XYLT1: variants seen among roughly 807,000 people sequenced by gnomAD.
XYLT1 encodes the protein beta-D-xylosyltransferase 1.
A neutral mutation model predicts 91.3 loss-of-function variants in XYLT1; 36 were observed. That is an observed-to-expected ratio of 0.39 (90% CI 0.30 to 0.52). XYLT1 has a LOEUF of 0.52. Among genes scored for constraint, XYLT1 ranks in the 20% least tolerant of loss-of-function variants. The probability of loss-of-function intolerance (pLI) is 0.68; values close to 1 mark genes in which losing one functional copy is unlikely to be tolerated. For missense variants in XYLT1, 1,242 were observed against 1,284.5 expected (o/e 0.97, Z 0.51); for synonymous variants, 588 against 532.0 (o/e 1.11, Z -1.45).
chr16:17,444,386 A>T (rs2036567996), intron 1 of XYLT1, among the ~76,000 whole-genome samples: 1 of 152,154 alleles, frequency 6.6e-6, no homozygotes, highest in Non-Finnish European at 1.5e-5. Flanking sequence ...TCTGTCACCC[A>T]GGTTGCAATG....
At chr16:17,178,288 C>T (rs113355748) in intron 5 of XYLT1, among the ~76,000 whole-genome samples, 1 of 152,002 alleles carries the variant, frequency 6.6e-6, no homozygotes, top group Admixed American at 6.6e-5. Flanking sequence ...ATAAAGGGAG[C>T]CTGCTGTTTA....
intron 2 of XYLT1, among the ~76,000 whole-genome samples, chr16:17,348,950 C>G (rs1049315211): frequency 6.6e-6 from 1 of 152,216 alleles, no homozygotes; most frequent in Non-Finnish European, 1.5e-5. Flanking sequence ...GCTGAGCCTC[C>G]GGCTCGTAAG....
At chr16:17,231,565 T>C (rs905273301) in intron 3 of XYLT1, among the ~76,000 whole-genome samples, 3 of 152,162 alleles carry the variant, frequency 2.0e-5, no homozygotes, top group Admixed American at 6.5e-5. Context: ...TGGATTGTTA[T>C]GAGATTTTGT....
At chr16:17,430,913 G>A (rs1377344131) in intron 1 of XYLT1, among the ~76,000 whole-genome samples, 6 of 151,982 alleles carry the variant, frequency 3.9e-5, no homozygotes, top group Non-Finnish European at 8.8e-5. Flanking sequence ...TAACTTAGCT[G>A]AAAAAAGAAA....
At chr16:17,316,930 A>C (rs58997310) in intron 2 of XYLT1, among the ~76,000 whole-genome samples, 90,106 of 148,608 alleles carry the variant, frequency 0.61, 27,520 homozygotes, top group Admixed American at 0.71. Flanking sequence ...TCACGCCATT[A>C]TCCTGCCTCA....
At chr16:17,263,587 T>A (rs1456338342) in intron 2 of XYLT1, among the ~76,000 whole-genome samples, 1 of 151,868 alleles carries the variant, frequency 6.6e-6, no homozygotes, top group Non-Finnish European at 1.5e-5. Flanking sequence ...TCCAGAAAAG[T>A]CAGAGAGAGG....
intron 9 of XYLT1, among the ~76,000 whole-genome samples, chr16:17,133,401 TG>T (rs138227736): frequency 6.6e-6 from 1 of 151,780 alleles, no homozygotes; most frequent in East Asian, 1.9e-4. Context: ...AAAGAGAGAA[TG>T]GAAAAAAAGG....
intron 2 of XYLT1, among the ~76,000 whole-genome samples, chr16:17,337,691 CCTT>C (rs1407017316): frequency 6.6e-6 from 1 of 151,964 alleles, no homozygotes; most frequent in East Asian, 1.9e-4. Flanking sequence ...TCCGAGAATT[CCTT>C]CTTCTCTCCA....
At chr16:17,202,262 G>A (rs2032556947) in intron 3 of XYLT1, among the ~76,000 whole-genome samples, 2 of 152,194 alleles carry the variant, frequency 1.3e-5, no homozygotes, top group South Asian at 2.1e-4. Flanking sequence ...GAACTGAGAT[G>A]GAGACTGTGG....
intron 5 of XYLT1, among the ~76,000 whole-genome samples, chr16:17,180,474 C>T (rs772215134): frequency 5.3e-5 from 8 of 152,126 alleles, no homozygotes; most frequent in Non-Finnish European, 8.8e-5. Context: ...AATGTTTGTG[C>T]CCCTGGCTCG....
chr16:17,139,515 C>CCAAA (rs769423134), intron 7 of XYLT1, among the ~76,000 whole-genome samples: 5 of 152,146 alleles, frequency 3.3e-5, no homozygotes, highest in African/African-American at 7.2e-5. Context: ...AGCCAAACTC[C>CCAAA]CAAACAATCT....
intron 2 of XYLT1, among the ~76,000 whole-genome samples, chr16:17,300,094 A>G (rs1257925457): frequency 6.6e-6 from 1 of 152,194 alleles, no homozygotes; most frequent in African/African-American, 2.4e-5. Context: ...AGCTAAATCA[A>G]TAACCAGGTC....
At chr16:17,139,311 C>T (rs939267415) in intron 7 of XYLT1, among the ~76,000 whole-genome samples, 3 of 152,170 alleles carry the variant, frequency 2.0e-5, no homozygotes, top group Non-Finnish European at 4.4e-5. Context: ...TGGGCACAGC[C>T]TTCTGATTTC....
intron 3 of XYLT1, among the ~76,000 whole-genome samples, chr16:17,240,469 C>T (rs868393631): frequency 5.9e-5 from 9 of 152,066 alleles, no homozygotes; most frequent in Admixed American, 1.3e-4. Context: ...GGGTATGAGA[C>T]GCAGATGTGA....
chr16:17,194,522 CCCT>C (rs1279296188), intron 5 of XYLT1, among the ~76,000 whole-genome samples: 4 of 152,322 alleles, frequency 2.6e-5, no homozygotes, highest in East Asian at 3.9e-4. Flanking sequence ...TGAGCACAGC[CCCT>C]AAGACTGAGG....
At chr16:17,352,679 G>A (rs2035238743) in intron 2 of XYLT1, among the ~76,000 whole-genome samples, 1 of 152,138 alleles carries the variant, frequency 6.6e-6, no homozygotes, top group Non-Finnish European at 1.5e-5. Flanking sequence ...CCACTACCTG[G>A]GAGATTTTAC....
At chr16:17,412,487 G>C (rs8052992) in intron 1 of XYLT1, among the ~76,000 whole-genome samples, 1 of 139,096 alleles carries the variant, frequency 7.2e-6, no homozygotes, top group African/African-American at 2.6e-5. Context: ...AATAAAACTC[G>C]TGTAAACAGA....
intron 1 of XYLT1, among the ~76,000 whole-genome samples, chr16:17,452,221 T>C (rs1445248422): frequency 6.6e-6 from 1 of 152,186 alleles, no homozygotes; most frequent in Non-Finnish European, 1.5e-5. Context: ...TACTATCGTG[T>C]TTGCATTCTG....
chr16:17,356,118 C>T (rs556163977), intron 2 of XYLT1, among the ~76,000 whole-genome samples: 2 of 152,046 alleles, frequency 1.3e-5, no homozygotes, highest in Non-Finnish European at 2.9e-5. Flanking sequence ...AACCCCCCAA[C>T]CAGATGAGAC....
Sources: gnomAD v4.1 joint callset for allele counts (sites outside exome capture counted in the v4.1 genomes callset) on GRCh38, gnomAD v4.1.1 for gene constraint, MANE v1.5 for transcripts, NCBI Gene and HGNC (gene_info 2026-07-23, HGNC 2026-07-21) for gene names.